RRAGD: variants seen among roughly 807,000 people sequenced by gnomAD.
The protein encoded by RRAGD is ras-related GTP-binding protein D.
Under a neutral mutation model 35.5 loss-of-function variants are expected in RRAGD, and 12 were observed. The observed-to-expected ratio is 0.34, with a 90% CI of 0.22 to 0.55. The LOEUF (loss-of-function observed/expected upper bound fraction) is 0.55. Among genes scored for constraint, RRAGD ranks in the 20% least tolerant of loss-of-function variants. The pLI is 0.91. For synonymous variants in RRAGD, 155 were observed against 178.9 expected (o/e 0.87, Z 1.07); for missense variants, 324 against 490.1 (o/e 0.66, Z 3.20).
chr6:89,380,446 C>T, intron 2 of RRAGD, 79 bp from the exon 3 acceptor site: 1 of 1,237,044 alleles, frequency 8.1e-7, no homozygotes. Flanking sequence ...ACCTGGAAAC[C>T]ATGTGGCTGC....
intron 2 of RRAGD, among the ~76,000 whole-genome samples, chr6:89,383,307 T>C (rs1401542516): frequency 1.3e-5 from 2 of 152,140 alleles, no homozygotes; most frequent in African/African-American, 2.4e-5. Context: ...CTCCAAAGAT[T>C]GGAAATTGCT....
At chr6:89,391,281 A>G (rs1171309311) in intron 1 of RRAGD, among the ~76,000 whole-genome samples, 1 of 152,034 alleles carries the variant, frequency 6.6e-6, no homozygotes, top group East Asian at 1.9e-4. Context: ...GCTACTCAGG[A>G]GACCAAGGTG....
At chr6:89,369,711 G>A (rs1460144670) in intron 6 of RRAGD, among the ~76,000 whole-genome samples, 1 of 152,104 alleles carries the variant, frequency 6.6e-6, no homozygotes, top group Non-Finnish European at 1.5e-5. Context: ...CGCCCCTATT[G>A]TTCTTGACAA....
At chr6:89,372,068 C>T (rs536429081) in intron 6 of RRAGD, among the ~76,000 whole-genome samples, 2 of 152,324 alleles carry the variant, frequency 1.3e-5, no homozygotes, top group East Asian at 1.9e-4. Flanking sequence ...AAAGTGGAGA[C>T]CTCCACCCTC....
At chr6:89,399,236 G>A (rs1003390458) in intron 1 of RRAGD, among the ~76,000 whole-genome samples, 2 of 152,226 alleles carry the variant, frequency 1.3e-5, no homozygotes, top group African/African-American at 2.4e-5. Context: ...GTGAAGGGGG[G>A]AGGGAGTATG....
chr6:89,376,283 A>G (rs1294486299), intron 5 of RRAGD, among the ~76,000 whole-genome samples: 1 of 144,872 alleles, frequency 6.9e-6, no homozygotes, highest in Non-Finnish European at 1.5e-5. Context: ...TGTAAGTATC[A>G]CTTTCCATGT....
intron 1 of RRAGD, among the ~76,000 whole-genome samples, chr6:89,408,451 C>T (rs1431905900): frequency 1.3e-5 from 2 of 152,086 alleles, no homozygotes; most frequent in African/African-American, 4.8e-5. Flanking sequence ...CCCACAAGTC[C>T]GAGACCAGCC....
chr6:89,392,334 GCT>G (rs946054356), intron 1 of RRAGD, among the ~76,000 whole-genome samples: 1 of 151,866 alleles, frequency 6.6e-6, no homozygotes, highest in Non-Finnish European at 1.5e-5. Flanking sequence ...TTTTTAATTG[GCT>G]GGGCATGGTG....
In RRAGD at chr6:89,411,401, G is replaced by GAGGGTGTAGA; in HGVS notation, c.148+444_148+445insTCTACACCCT. 1 of 154,506 alleles carries GAGGGTGTAGA rather than the reference G, an allele frequency of 6.5e-6. No homozygotes were observed. The highest frequency in any genetic ancestry group is 2.0e-4 in the South Asian group (1 of 4,916). The allele number at this position is 154,506 out of a possible 1,614,324, so 9.6% of individuals were successfully genotyped here. On this transcript the variant is annotated intron_variant, in intron 1 of 6. Coordinates refer to ENST00000369415, the MANE Select transcript of RRAGD (RefSeq NM_021244.5). The surrounding 1 kb of genome is among the most constrained non-coding windows in gnomAD (Gnocchi z 5.6). ...CCCGCAGCTGCCGACGACCCTGCCA[G>GAGGGTGTAGA]TCACGCCGCCGCCGGCTGCCTTTTT...
At chr6:89,403,783 C>T (rs1262730893) in intron 1 of RRAGD, among the ~76,000 whole-genome samples, 1 of 151,808 alleles carries the variant, frequency 6.6e-6, no homozygotes, top group Non-Finnish European at 1.5e-5. Flanking sequence ...TACAGGCACA[C>T]ACCACCTCCA....
In RRAGD at chr6:89,396,285, A is replaced by G. The variant is rs186329106; in HGVS notation, c.149-8695T>C. Reference sequence around the variant, plus strand: ...ATAATAAAGTAAAAGAAAAACATCAAATGACATTGTTAAGTAATAAAGACA... The same window carrying G: ...ATAATAAAGTAAAAGAAAAACATCAGATGACATTGTTAAGTAATAAAGACA... On this transcript the variant is annotated intron_variant, in intron 1 of 6. Transcript: ENST00000369415. Among the ~76,000 whole-genome samples the G allele has an allele frequency of 1.3e-3, 195 of 152,314 alleles. 1 individual carries two copies. The highest frequency in any genetic ancestry group is 4.0e-3 in the African/African-American group (166 of 41,586).
chr6:89,393,651 T>C (rs1408786631), intron 1 of RRAGD, among the ~76,000 whole-genome samples: 1 of 152,194 alleles, frequency 6.6e-6, no homozygotes. Flanking sequence ...TACAGTACCA[T>C]CTTCCCTCCA....
At chr6:89,410,574 C>T (rs1769673848) in intron 1 of RRAGD, among the ~76,000 whole-genome samples, 1 of 152,182 alleles carries the variant, frequency 6.6e-6, no homozygotes, top group Admixed American at 6.5e-5. Flanking sequence ...GTGCACACAT[C>T]AGTTTAAGCA....
chr6:89,383,689 ATTCT>A (rs1009035157), intron 2 of RRAGD, among the ~76,000 whole-genome samples: 9 of 152,280 alleles, frequency 5.9e-5, no homozygotes, highest in African/African-American at 2.2e-4. Context: ...TCTTGCTTTC[ATTCT>A]TTTTTATTTT....
At chr6:89,371,948 T>A (rs571617669) in intron 6 of RRAGD, among the ~76,000 whole-genome samples, 12 of 152,322 alleles carry the variant, frequency 7.9e-5, no homozygotes, top group African/African-American at 2.9e-4. Context: ...TCTGAAGATT[T>A]AAGAAGTATT....
intron 6 of RRAGD, among the ~76,000 whole-genome samples, chr6:89,369,964 G>A (rs893356288): frequency 6.6e-6 from 1 of 152,132 alleles, no homozygotes; most frequent in Non-Finnish European, 1.5e-5. Flanking sequence ...TGGTTCAGGA[G>A]TTCTCAACCC....
chr6:89,386,522 C>G (rs1179038517), intron 2 of RRAGD, among the ~76,000 whole-genome samples: 1 of 152,214 alleles, frequency 6.6e-6, no homozygotes, highest in Non-Finnish European at 1.5e-5. Flanking sequence ...AGAACCTACT[C>G]TGGAAGCCTG....
Position 89,387,346 on chromosome 6 carries a change from A to G in RRAGD, c.393T>C (p.Tyr131=), listed in dbSNP as rs1425438311. 1.9e-6 allele frequency: 3 copies of G among 1,613,968 alleles called. No individual in the cohort carries two copies. The change falls in exon 2 of 7, where the codon TAT becomes TAC. Residue 131 remains tyrosine (Y), a synonymous_variant. Coordinates refer to ENST00000369415, the MANE Select transcript of RRAGD (RefSeq NM_021244.5). ...QIDFFDPTFD[Y]EMIFRGTGAL... ...CTCCTGTTCCCCGGAAGATCATCTC[A>G]TAGTCAAATGTAGGGTCAAAAAAGT...
rs953960885 is a variant in RRAGD at position 89,365,456 on chromosome 6, C to T, written c.*2600G>A. 2 of 152,200 alleles carry T rather than the reference C, an allele frequency of 1.3e-5. No individual in the cohort carries two copies. Among genetic ancestry groups the T allele is most frequent in the South Asian group, 2.1e-4 (1 of 4,834 alleles). 9.4% of individuals were successfully genotyped at this position (152,200 alleles called of 1,614,324 possible). A position where few individuals can be genotyped will look rare whatever the true frequency, so the allele number is the denominator to read the frequency against. On this transcript the variant is annotated 3_prime_UTR_variant, in exon 7 of 7. Coordinates refer to ENST00000369415, the MANE Select transcript of RRAGD (RefSeq NM_021244.5). ...GAATGAAACATGGCCATACACATCG[C>T]AATAAGCTGCCTCTCATATCAAAAA... is the stretch of plus-strand genomic sequence containing the variant.
Sources: allele counts gnomAD v4.1 joint callset (sites outside exome capture counted in the v4.1 genomes callset), GRCh38; gene constraint gnomAD v4.1.1; non-coding constraint Gnocchi (gnomAD v3.1); transcripts MANE v1.5; gene names NCBI Gene and HGNC (gene_info 2026-07-23, HGNC 2026-07-21).